CFAP77: variants seen among roughly 807,000 people sequenced by gnomAD.
CFAP77 encodes cilia- and flagella-associated protein 77.
CFAP77 carries 25 observed loss-of-function variants against 31.1 expected under a neutral mutation model. That is an observed-to-expected ratio of 0.80 (90% CI 0.59 to 1.12). The LOEUF (loss-of-function observed/expected upper bound fraction) is 1.12. Among genes scored for constraint, CFAP77 ranks in the 50% most tolerant of loss-of-function variants. The pLI is 0.00. For missense variants in CFAP77, 377 were observed against 397.3 expected (o/e 0.95, Z 0.44); for synonymous variants, 151 against 159.9 (o/e 0.94, Z 0.42).
At chr9:132,518,086 GC>G (rs1589901392) in intron 3 of CFAP77, among the ~76,000 whole-genome samples, 1 of 152,094 alleles carries the variant, frequency 6.6e-6, no homozygotes, top group East Asian at 1.9e-4. Flanking sequence ...CTTAGCAGGG[GC>G]CCTGTCATCA....
At chr9:132,465,454 G>A (rs1406724761) in intron 1 of CFAP77, among the ~76,000 whole-genome samples, 1 of 152,166 alleles carries the variant, frequency 6.6e-6, no homozygotes, top group Non-Finnish European at 1.5e-5. Flanking sequence ...AAAGGCACAA[G>A]TTAGACCTAG....
chr9:132,508,912 G>T (rs1851983533), intron 3 of CFAP77, among the ~76,000 whole-genome samples: 1 of 152,172 alleles, frequency 6.6e-6, no homozygotes, highest in African/African-American at 2.4e-5. Flanking sequence ...CTCCCTCCAG[G>T]GCGGCTGTTC....
intron 1 of CFAP77, among the ~76,000 whole-genome samples, chr9:132,494,950 G>A (rs7850100): frequency 1.3e-5 from 2 of 151,942 alleles, no homozygotes; most frequent in Non-Finnish European, 2.9e-5. Flanking sequence ...CTTCTCTCAC[G>A]CTTTAAACTC....
At chr9:132,530,485 G>C (rs1852423349) in intron 3 of CFAP77, among the ~76,000 whole-genome samples, 2 of 152,144 alleles carry the variant, frequency 1.3e-5, no homozygotes, top group Non-Finnish European at 2.9e-5. Context: ...ATGTTGGCCA[G>C]GCTGGTCTCG....
chr9:132,519,177 T>C (rs1046213889), intron 3 of CFAP77, among the ~76,000 whole-genome samples: 3 of 112,558 alleles, frequency 2.7e-5, no homozygotes, highest in African/African-American at 1.1e-4. Context: ...GGTGGGTGGG[T>C]GGGTGAATGA....
At chr9:132,427,290 G>A (rs1043966119) in intron 1 of CFAP77, among the ~76,000 whole-genome samples, 1 of 152,106 alleles carries the variant, frequency 6.6e-6, no homozygotes, top group African/African-American at 2.4e-5. Context: ...CAGCACCAAC[G>A]CTCTGTTTTT....
intron 5 of CFAP77, among the ~76,000 whole-genome samples, chr9:132,566,671 C>T (rs1829887847): frequency 6.6e-6 from 1 of 152,218 alleles, no homozygotes; most frequent in Non-Finnish European, 1.5e-5. Context: ...GCCCATCCCA[C>T]CTGAGGTGGA....
Position 132,498,352 on chromosome 9 carries a change from T to C in CFAP77, c.196-343T>C, listed in dbSNP as rs921918735. On this transcript the variant is annotated intron_variant, in intron 1 of 5. Transcript: ENST00000393216. The surrounding 1 kb of genome is among the most constrained non-coding windows in gnomAD (Gnocchi z 4.2). Reference sequence around the variant, plus strand: ...CTGAACTGGGTCCTGCATTTCCAGCTTGAGCCAGCCAGGTCTAGGCTGCAC... The same window carrying C: ...CTGAACTGGGTCCTGCATTTCCAGCCTGAGCCAGCCAGGTCTAGGCTGCAC... Among the ~76,000 whole-genome samples the C allele has an allele frequency of 5.3e-5, 8 of 152,176 alleles. No individual in the cohort carries two copies. Among genetic ancestry groups the C allele is most frequent in the African/African-American group, 1.9e-4 (8 of 41,440 alleles).
intron 1 of CFAP77, among the ~76,000 whole-genome samples, chr9:132,493,934 T>C (rs1443767739): frequency 6.6e-6 from 1 of 151,878 alleles, no homozygotes; most frequent in African/African-American, 2.4e-5. Context: ...TCTTTTTTTA[T>C]AGGGTTTCGC....
At chr9:132,502,299 CTTCT>C (rs1458791133) in intron 3 of CFAP77, among the ~76,000 whole-genome samples, 1 of 146,850 alleles carries the variant, frequency 6.8e-6, no homozygotes, top group African/African-American at 2.5e-5. Context: ...GTGGTAGTTC[CTTCT>C]TTATTTTTTA....
intron 1 of CFAP77, among the ~76,000 whole-genome samples, chr9:132,426,802 G>T (rs1466159443): frequency 6.6e-6 from 1 of 152,140 alleles, no homozygotes; most frequent in Non-Finnish European, 1.5e-5. Flanking sequence ...CTTTCTTAAA[G>T]CAAATATTGA....
chr9:132,504,487 T>A (rs1003687220), intron 3 of CFAP77, among the ~76,000 whole-genome samples: 3 of 152,266 alleles, frequency 2.0e-5, no homozygotes, highest in Non-Finnish European at 2.9e-5. Context: ...GAATGGATTT[T>A]AAAATGGTAT....
At chr9:132,447,610 C>G (rs987492927) in intron 1 of CFAP77, among the ~76,000 whole-genome samples, 29 of 152,356 alleles carry the variant, frequency 1.9e-4, no homozygotes, top group Non-Finnish European at 3.5e-4. Context: ...CGTAGATCAG[C>G]ACGTCGGTTA....
At chr9:132,551,613 G>A (rs1301874223) in intron 5 of CFAP77, among the ~76,000 whole-genome samples, 4 of 152,202 alleles carry the variant, frequency 2.6e-5, no homozygotes, top group East Asian at 1.9e-4. Flanking sequence ...GGGTGCTTTC[G>A]TGAGTTATCC....
At chr9:132,536,045 T>C (rs890850612) in intron 3 of CFAP77, among the ~76,000 whole-genome samples, 1 of 152,178 alleles carries the variant, frequency 6.6e-6, no homozygotes, top group African/African-American at 2.4e-5. Flanking sequence ...AATAGAAATA[T>C]ATGTATATGC....
At chr9:132,429,993 C>T (rs185695402) in intron 1 of CFAP77, among the ~76,000 whole-genome samples, 25 of 151,778 alleles carry the variant, frequency 1.6e-4, no homozygotes, top group Non-Finnish European at 2.4e-4. Flanking sequence ...AGCAGCTCCC[C>T]GGATAGTCCA....
At chr9:132,493,878 CCTTTT>C (rs544483059) in intron 1 of CFAP77, among the ~76,000 whole-genome samples, 510 of 149,908 alleles carry the variant, frequency 3.4e-3, no homozygotes, top group African/African-American at 8.2e-3. Context: ...TCTTTTCTTT[CCTTTT>C]CTTTTCTTTT....
chr9:132,430,421 C>T (rs1342610531), intron 1 of CFAP77, among the ~76,000 whole-genome samples: 4 of 152,128 alleles, frequency 2.6e-5, no homozygotes, highest in Non-Finnish European at 5.9e-5. Flanking sequence ...AAATCATAGC[C>T]TTAAGATAGT....
intron 1 of CFAP77, among the ~76,000 whole-genome samples, chr9:132,467,202 T>G (rs1188999571): frequency 6.6e-6 from 1 of 152,066 alleles, no homozygotes. Flanking sequence ...TCATAAAATA[T>G]ACATAACAAA....
Sources: allele counts gnomAD v4.1 joint callset (sites outside exome capture counted in the v4.1 genomes callset), GRCh38; gene constraint gnomAD v4.1.1; non-coding constraint Gnocchi (gnomAD v3.1); transcripts MANE v1.5; gene names NCBI Gene and HGNC (gene_info 2026-07-23, HGNC 2026-07-21).